PLA2G4A: variants seen among roughly 807,000 people sequenced by gnomAD.
The protein encoded by PLA2G4A is cytosolic phospholipase A2.
PLA2G4A carries 40 observed loss-of-function variants against 81.9 expected under a neutral mutation model. The observed-to-expected ratio is 0.49, with a 90% CI of 0.38 to 0.64. PLA2G4A has a LOEUF of 0.64. Among genes scored for constraint, PLA2G4A ranks in the 30% least tolerant of loss-of-function variants. The probability of loss-of-function intolerance (pLI) is 0.00; values close to 1 mark genes in which losing one functional copy is unlikely to be tolerated. For synonymous variants in PLA2G4A, 302 were observed against 296.9 expected, an observed-to-expected ratio of 1.02 and a Z score of -0.18; for missense variants, 715 against 905.1, an observed-to-expected ratio of 0.79 and a Z score of 2.69.
At chr1:186,891,190 G>A (rs543141262) in intron 3 of PLA2G4A, among the ~76,000 whole-genome samples, 29 of 151,880 alleles carry the variant, frequency 1.9e-4, no homozygotes, top group African/African-American at 6.3e-4. Context: ...CATAGTAGGT[G>A]TATATATTTA....
intron 1 of PLA2G4A, among the ~76,000 whole-genome samples, chr1:186,832,602 G>A (rs1280687770): frequency 2.0e-5 from 3 of 152,110 alleles, no homozygotes; most frequent in Admixed American, 6.5e-5. Flanking sequence ...ATTGATATAC[G>A]AAAATAGTAT....
chr1:186,876,472 G>C (rs1429727762), intron 3 of PLA2G4A, among the ~76,000 whole-genome samples: 3 of 152,020 alleles, frequency 2.0e-5, no homozygotes, highest in Non-Finnish European at 4.4e-5. Flanking sequence ...AGAGAAGGTG[G>C]GGGAATTCAG....
intron 10 of PLA2G4A, among the ~76,000 whole-genome samples, chr1:186,943,365 C>T (rs753741376): frequency 9.2e-5 from 14 of 152,182 alleles, no homozygotes; most frequent in Non-Finnish European, 1.9e-4. Context: ...GAATAAACTG[C>T]ATTTATGGAT....
At chr1:186,964,955 A>G (rs1361998117) in intron 14 of PLA2G4A, among the ~76,000 whole-genome samples, 1 of 152,190 alleles carries the variant, frequency 6.6e-6, no homozygotes, top group Non-Finnish European at 1.5e-5. Flanking sequence ...CAGTTGTGCC[A>G]CCTTCGAGAT....
chr1:186,889,081 C>T (rs901652248), intron 3 of PLA2G4A, among the ~76,000 whole-genome samples: 1 of 152,120 alleles, frequency 6.6e-6, no homozygotes, highest in Non-Finnish European at 1.5e-5. Flanking sequence ...GAAGCAGTCA[C>T]CTCCTGGTTG....
At chr1:186,860,094 A>G (rs1652740892) in intron 2 of PLA2G4A, among the ~76,000 whole-genome samples, 2 of 152,140 alleles carry the variant, frequency 1.3e-5, no homozygotes, top group African/African-American at 4.8e-5. Context: ...TAGAAAAATG[A>G]GGAAGAAGAA....
In PLA2G4A at chr1:186,893,287, A is replaced by G. The variant is rs7519192; in HGVS notation, c.264+128A>G. 0.28 allele frequency: 224,135 copies of G among 804,848 alleles called. 34,524 individuals are homozygous for G. The highest frequency in any genetic ancestry group is 0.51 in the Admixed American group (29,577 of 58,558). The allele number at this position is 804,848 out of a possible 1,614,324, so 49.9% of individuals were successfully genotyped here. ...GGAGTTAGACTGGGCAGCTTGGTAG[A>G]CTAGAATCTAAATGGTGTCTGTCAA... is the stretch of plus-strand genomic sequence containing the variant. On this transcript the variant is annotated intron_variant, in intron 4 of 17. Transcript: ENST00000367466.
At chr1:186,914,149 G>C (rs1394450512) in intron 7 of PLA2G4A, among the ~76,000 whole-genome samples, 1 of 151,980 alleles carries the variant, frequency 6.6e-6, no homozygotes, top group Non-Finnish European at 1.5e-5. Context: ...GAGTGCAGTA[G>C]CACAATCATA....
chr1:186,955,555 T>C (rs1453166529), intron 13 of PLA2G4A, among the ~76,000 whole-genome samples: 1 of 152,094 alleles, frequency 6.6e-6, no homozygotes, highest in Non-Finnish European at 1.5e-5. Flanking sequence ...AATCTGAGCA[T>C]AGATCAAGTG....
At chr1:186,981,954 G>A (rs1439461451) in intron 17 of PLA2G4A, among the ~76,000 whole-genome samples, 1 of 152,090 alleles carries the variant, frequency 6.6e-6, no homozygotes, top group African/African-American at 2.4e-5. Flanking sequence ...AATCGTCCTT[G>A]AATAAATTGT....
chr1:186,890,998 A>G (rs921395235), intron 3 of PLA2G4A, among the ~76,000 whole-genome samples: 7 of 152,192 alleles, frequency 4.6e-5, no homozygotes, highest in African/African-American at 1.7e-4. Flanking sequence ...GTACAACCAT[A>G]CAAGGCAACT....
At chr1:186,863,426 G>C (rs1652886578) in intron 2 of PLA2G4A, among the ~76,000 whole-genome samples, 1 of 152,132 alleles carries the variant, frequency 6.6e-6, no homozygotes, top group Non-Finnish European at 1.5e-5. Flanking sequence ...ATTATACATT[G>C]TGTAATAATT....
chr1:186,897,250 A>T (rs1297791303), intron 5 of PLA2G4A, among the ~76,000 whole-genome samples: 1 of 152,198 alleles, frequency 6.6e-6, no homozygotes, highest in Admixed American at 6.5e-5. Context: ...AGGAGCTTCC[A>T]AATGGAGATG....
intron 13 of PLA2G4A, among the ~76,000 whole-genome samples, chr1:186,955,823 T>A (rs1469802962): frequency 1.5e-5 from 2 of 135,724 alleles, no homozygotes; most frequent in African/African-American, 5.5e-5. Context: ...AACCTCCGCC[T>A]CCCGGGTTCA....
chr1:186,913,487 T>C (rs1024922116), intron 7 of PLA2G4A, among the ~76,000 whole-genome samples: 1 of 152,104 alleles, frequency 6.6e-6, no homozygotes, highest in East Asian at 1.9e-4. Context: ...CTATCTGAAA[T>C]CTACAAAGAT....
Position 186,911,277 on chromosome 1 carries a change from C to G in PLA2G4A, c.446C>G (p.Ala149Gly). The G allele has an allele frequency of 6.2e-7, 1 of 1,612,178 alleles. No individual in the cohort carries two copies. The highest frequency in any genetic ancestry group is 8.5e-7 in the Non-Finnish European group (1 of 1,178,278). ...CSCPDLRFSM[A>G]LCDQEKTFRQ... is the part of the protein sequence containing the mutation. ...TGCCCAGACCTACGATTTAGTATGGCTCTGTGTGATCAGGAGAAGACTTTC... is the reference window on the plus strand; with the variant it reads ...TGCCCAGACCTACGATTTAGTATGGGTCTGTGTGATCAGGAGAAGACTTTC... Residue 149 changes from alanine to glycine, a missense_variant, in exon 7 of 18, where the codon GCT becomes GGT. Coordinates refer to ENST00000367466, the MANE Select transcript of PLA2G4A (RefSeq NM_024420.3).
chr1:186,937,025 T>A (rs199880035), intron 8 of PLA2G4A, among the ~76,000 whole-genome samples: 1 of 79,388 alleles, frequency 1.3e-5, no homozygotes. Flanking sequence ...GTGATACTTT[T>A]ATGTTTTTTT....
intron 5 of PLA2G4A, among the ~76,000 whole-genome samples, chr1:186,902,557 TA>T (rs1654583505): frequency 1.3e-5 from 2 of 152,150 alleles, no homozygotes; most frequent in Non-Finnish European, 2.9e-5. Flanking sequence ...TTGTTTTTCT[TA>T]TTAATTGCAC....
intron 17 of PLA2G4A, among the ~76,000 whole-genome samples, chr1:186,980,206 T>TG (rs1390835954): frequency 3.9e-5 from 6 of 152,216 alleles, no homozygotes; most frequent in Admixed American, 3.9e-4. Flanking sequence ...TCCTAAGTGC[T>TG]GGGATTACAG....
Sources: gnomAD v4.1 joint callset for allele counts (sites outside exome capture counted in the v4.1 genomes callset) on GRCh38, gnomAD v4.1.1 for gene constraint, MANE v1.5 for transcripts, NCBI Gene and HGNC (gene_info 2026-07-23, HGNC 2026-07-21) for gene names.